The following ENTPD5 variants were observed in gnomAD, a reference collection of about 807,000 sequenced individuals.
ENTPD5 encodes nucleoside diphosphate phosphatase ENTPD5.
Under a neutral mutation model 60.2 loss-of-function variants are expected in ENTPD5, and 49 were observed. That is an observed-to-expected ratio of 0.81 (90% CI 0.65 to 1.03). The LOEUF (loss-of-function observed/expected upper bound fraction) is 1.03, where lower values mean the gene tolerates loss of function less well. ENTPD5 is among the 50% of genes least tolerant of loss of function. ENTPD5 has a pLI of 0.00. For synonymous variants in ENTPD5, 187 were observed against 185.4 expected, an observed-to-expected ratio of 1.01 and a Z score of -0.07; for missense variants, 480 against 507.6, an observed-to-expected ratio of 0.95 and a Z score of 0.52.
chr14:73,963,207 A>G, downstream of ENTPD5: 1 of 600,216 alleles, frequency 1.7e-6, no homozygotes. Flanking sequence ...CCAAAGGAAA[A>G]AACTTCGAAG....
downstream of ENTPD5, chr14:73,960,859 T>C: frequency 2.2e-6 from 1 of 445,118 alleles, no homozygotes; most frequent in Middle Eastern, 7.1e-4. Flanking sequence ...AGGAGAGTCA[T>C]GGAGGTAGAA....
downstream of ENTPD5, chr14:73,963,185 A>G (rs2056833406): frequency 1.5e-6 from 1 of 658,344 alleles, no homozygotes; most frequent in East Asian, 2.7e-5. Flanking sequence ...TGAGGAGCGT[A>G]TATTAGCCAG....
intron 3 of ENTPD5, among the ~76,000 whole-genome samples, chr14:74,007,132 G>C (rs568040051): frequency 6.6e-6 from 1 of 152,148 alleles, no homozygotes; most frequent in Non-Finnish European, 1.5e-5. Context: ...GGGCATGGTG[G>C]CACACACCTG....
At chr14:74,003,736 C>G (rs1266776439) in intron 3 of ENTPD5, among the ~76,000 whole-genome samples, 1 of 151,838 alleles carries the variant, frequency 6.6e-6, no homozygotes, top group African/African-American at 2.4e-5. Context: ...AGTATAACAA[C>G]CATACGATAA....
At chr14:73,963,100 CT>C, downstream of ENTPD5, 1 of 1,004,044 alleles carries the variant, frequency 1.0e-6, no homozygotes, top group Non-Finnish European at 1.6e-6. Flanking sequence ...AATAAACTTA[CT>C]TTACATTAAA....
intron 2 of ENTPD5, among the ~76,000 whole-genome samples, chr14:74,014,965 C>A (rs1377268829): frequency 6.6e-6 from 1 of 151,898 alleles, no homozygotes; most frequent in African/African-American, 2.4e-5. Flanking sequence ...ATCTGTAATC[C>A]CAGCTACTCG....
chr14:73,976,548 G>A (rs1174189572), intron 8 of ENTPD5, 136 bp from the exon 9 acceptor site: 1 of 651,390 alleles, frequency 1.5e-6, no homozygotes, highest in East Asian at 2.8e-5. Flanking sequence ...GCAGGTGAAT[G>A]TCAACTCGGA....
downstream of ENTPD5, chr14:73,961,198 T>C (rs767940412): frequency 5.6e-5 from 90 of 1,613,892 alleles, no homozygotes; most frequent in Admixed American, 2.5e-4. Context: ...CACACGGACT[T>C]CATCGACACA....
chr14:73,956,327 C>A (rs1164179476), downstream of ENTPD5: 224 of 146,392 alleles, frequency 1.5e-3, no homozygotes, highest in South Asian at 3.2e-3. Flanking sequence ...GACTCCGTCT[C>A]AAAAAAAAAA....
At position 74,019,274 on chromosome 14, in the gene ENTPD5, C is replaced by T. The variant is rs1594985408; in HGVS notation, c.-262G>A. 2.5e-6 allele frequency: 1 copy of T among 397,108 alleles called. No homozygotes were observed. Among genetic ancestry groups the T allele is most frequent in the Non-Finnish European group, 3.5e-6 (1 of 288,074 alleles). 24.6% of individuals were successfully genotyped at this position (397,108 alleles called of 1,614,324 possible). ...CCGCGCGCGCGCCACCCTTGCGCGG[C>T]AGCCCGCCGCCCTCGGCGCGACCTC... On this transcript the variant is annotated 5_prime_UTR_variant, in exon 1 of 16. Transcript: ENST00000334696.
intron 6 of ENTPD5, among the ~76,000 whole-genome samples, chr14:73,982,220 G>A (rs1408306960): frequency 6.6e-6 from 1 of 151,914 alleles, no homozygotes; most frequent in Non-Finnish European, 1.5e-5. Flanking sequence ...GACTACAGGC[G>A]TGCGCCACAA....
chr14:74,007,925 G>A (rs1216863065), intron 3 of ENTPD5: 1 of 145,516 alleles, frequency 6.9e-6, no homozygotes, highest in African/African-American at 2.6e-5. Flanking sequence ...GCACCTCCCA[G>A]GTTCAAGTGA....
downstream of ENTPD5, chr14:73,956,708 ATTTGTT>A (rs2056453995): frequency 2.0e-5 from 3 of 152,080 alleles, no homozygotes; most frequent in Non-Finnish European, 4.4e-5. Flanking sequence ...AAATTGGATT[ATTTGTT>A]TTTGAGTTAT....
At chr14:73,962,788 G>A, downstream of ENTPD5, 1 of 622,202 alleles carries the variant, frequency 1.6e-6, no homozygotes, top group Non-Finnish European at 2.9e-6. Flanking sequence ...CTGCACTCCA[G>A]CCCAGTCAAC....
In ENTPD5 at chr14:74,010,090, G is replaced by A. The variant is rs184950945; in HGVS notation, c.-71+1001C>T. Among the ~76,000 whole-genome samples the A allele has an allele frequency of 1.6e-3, 241 of 151,978 alleles. 1 individual carries two copies. The highest frequency in any genetic ancestry group is 5.6e-3 in the African/African-American group (231 of 41,528). ...CAGGCGTAAGCCACCGCACCCAGCCGTGTTTTCAATTTTTTTATAGAGAAA... is the reference window on the plus strand; with the variant it reads ...CAGGCGTAAGCCACCGCACCCAGCCATGTTTTCAATTTTTTTATAGAGAAA... On this transcript the variant is annotated intron_variant, in intron 3 of 15. Transcript: ENST00000334696.
In ENTPD5 at chr14:73,971,863, T is replaced by C; in HGVS notation, c.1073A>G (p.Lys358Arg). ...CCCCTGACACTTACCTTCCCTGGCTTTTCTTTCAAAATCTTCAACTTTTAA... is the reference window on the plus strand; with the variant it reads ...CCCCTGACACTTACCTTCCCTGGCTCTTCTTTCAAAATCTTCAACTTTTAA... ...GILKVEDFERKAREVCDNLEN... is the reference protein window; with the variant it reads ...GILKVEDFERRAREVCDNLEN... Residue 358 changes from lysine to arginine, a missense_variant, in exon 14 of 16, where the codon AAA becomes AGA. Coordinates refer to ENST00000334696, the MANE Select transcript of ENTPD5 (RefSeq NM_001249.5). 1 of 1,606,608 alleles carries C rather than the reference T, an allele frequency of 6.2e-7. No homozygotes were observed. The highest frequency in any genetic ancestry group is 1.1e-5 in the South Asian group (1 of 90,928).
At chr14:73,967,889 C>T (rs2057053851) in intron 15 of ENTPD5, among the ~76,000 whole-genome samples, 1 of 151,676 alleles carries the variant, frequency 6.6e-6, no homozygotes, top group East Asian at 1.9e-4. Context: ...CTTTGGGAGG[C>T]TGAGGCGGGT....
chr14:74,000,863 G>C (rs533384407), intron 3 of ENTPD5, among the ~76,000 whole-genome samples: 6 of 152,228 alleles, frequency 3.9e-5, no homozygotes, highest in African/African-American at 1.4e-4. Context: ...GAGACCAGAT[G>C]TGTATAAAGA....
intron 3 of ENTPD5, among the ~76,000 whole-genome samples, chr14:73,999,225 C>T (rs770897841): frequency 4.3e-4 from 65 of 152,182 alleles, no homozygotes; most frequent in Non-Finnish European, 6.9e-4. Flanking sequence ...CAGTAGCTCA[C>T]GCCTGTAATC....
Sources: allele counts gnomAD v4.1 joint callset (sites outside exome capture counted in the v4.1 genomes callset), GRCh38; gene constraint gnomAD v4.1.1; transcripts MANE v1.5; gene names NCBI Gene and HGNC (gene_info 2026-07-23, HGNC 2026-07-21).